Variants in LRBA observed in about 807,000 individuals in gnomAD.
LRBA encodes the protein LPS responsive beige-like anchor protein.
A neutral mutation model predicts 330.0 loss-of-function variants in LRBA; 176 were observed. The ratio of observed to expected loss-of-function variants is 0.53; its 90% CI spans 0.47 to 0.60. LRBA has a LOEUF of 0.60. Among genes scored for constraint, LRBA ranks in the 20% least tolerant of loss-of-function variants. LRBA has a pLI of 0.00. For missense variants in LRBA, 3,259 were observed against 3,444.8 expected, an observed-to-expected ratio of 0.95 and a Z score of 1.35; for synonymous variants, 1,230 against 1,193.0, an observed-to-expected ratio of 1.03 and a Z score of -0.64.
At chr4:150,982,094 C>T (rs1010545544) in intron 2 of LRBA, among the ~76,000 whole-genome samples, 2 of 151,812 alleles carry the variant, frequency 1.3e-5, no homozygotes, top group African/African-American at 4.8e-5. Flanking sequence ...AATGTACAGG[C>T]CAAAACACAT....
intron 47 of LRBA, among the ~76,000 whole-genome samples, chr4:150,361,844 C>T (rs963485939): frequency 6.7e-6 from 1 of 150,332 alleles, no homozygotes; most frequent in Non-Finnish European, 1.5e-5. Context: ...GATCTCAGCT[C>T]ACTGCAAGCT....
intron 51 of LRBA, chr4:150,315,345 A>G (rs1731581267): frequency 3.4e-6 from 2 of 591,780 alleles, no homozygotes; most frequent in Non-Finnish European, 6.0e-6. Context: ...TTTCAGTGAC[A>G]CGCGTCCTAG....
At chr4:150,455,537 T>G (rs982127467) in intron 44 of LRBA, among the ~76,000 whole-genome samples, 4 of 152,142 alleles carry the variant, frequency 2.6e-5, no homozygotes, top group African/African-American at 9.7e-5. Flanking sequence ...TTTTTAATTT[T>G]TATAGGTACA....
chr4:150,364,251 C>T (rs1315097440), intron 47 of LRBA, among the ~76,000 whole-genome samples: 1 of 152,200 alleles, frequency 6.6e-6, no homozygotes, highest in Admixed American at 6.5e-5. Context: ...CACACTATAA[C>T]AATACCAGCA....
chr4:150,746,700 C>CAGGG (rs1332625008), intron 35 of LRBA, among the ~76,000 whole-genome samples: 1 of 151,948 alleles, frequency 6.6e-6, no homozygotes, highest in Non-Finnish European at 1.5e-5. Flanking sequence ...TTAGTACAGA[C>CAGGG]AGGGTTTCAC....
chr4:150,621,686 C>T (rs1378823427), intron 37 of LRBA, among the ~76,000 whole-genome samples: 1 of 152,180 alleles, frequency 6.6e-6, no homozygotes, highest in African/African-American at 2.4e-5. Flanking sequence ...ATACTCCATA[C>T]ACTTGCCTGT....
At chr4:151,001,535 T>C (rs1743329445) in intron 2 of LRBA, among the ~76,000 whole-genome samples, 2 of 152,024 alleles carry the variant, frequency 1.3e-5, no homozygotes, top group African/African-American at 2.4e-5. Flanking sequence ...ATCCTGAGGA[T>C]AGGGCTACCC....
chr4:150,818,568 G>GTGTGTGTGCA (rs1333165382), intron 30 of LRBA, among the ~76,000 whole-genome samples: 2 of 150,402 alleles, frequency 1.3e-5, no homozygotes, highest in Non-Finnish European at 3.0e-5. Flanking sequence ...GTGTGTGCGT[G>GTGTGTGTGCA]CACGAATGTG....
intron 34 of LRBA, among the ~76,000 whole-genome samples, chr4:150,776,435 A>G (rs2126562511): frequency 6.6e-6 from 1 of 152,370 alleles, no homozygotes; most frequent in Non-Finnish European, 1.5e-5. Context: ...GAGGGGGAAA[A>G]GAGGCAGAGA....
At position 150,931,494 on chromosome 4, in the gene LRBA, T is replaced by A. The variant is rs1461100811; in HGVS notation, c.217-2429A>T. ...AAAGGTTAGTGGCTGGGCATGGTGG[T>A]TCACACCTATAATCCCAAAACTTTG... On this transcript the variant is annotated intron_variant, in intron 2 of 56. Transcript: ENST00000651943. Among the ~76,000 whole-genome samples, 7 of 151,304 alleles carry A rather than the reference T, an allele frequency of 4.6e-5. No individual in the cohort carries two copies. In the East Asian group the frequency reaches 1.4e-3, roughly 29 times the overall value.
chr4:150,599,199 CA>C, intron 37 of LRBA, 68 bp from the exon 38 acceptor site: 1 of 1,554,690 alleles, frequency 6.4e-7, no homozygotes, highest in Non-Finnish European at 8.8e-7. Flanking sequence ...TGAATTTCTG[CA>C]TAAAGCTCTC....
intron 2 of LRBA, among the ~76,000 whole-genome samples, chr4:151,004,197 C>A (rs1032416001): frequency 6.6e-6 from 1 of 152,088 alleles, no homozygotes; most frequent in African/African-American, 2.4e-5. Flanking sequence ...CCACCATGCC[C>A]GGCTAATTTT....
chr4:150,272,510 C>A (rs760438086), intron 56 of LRBA, among the ~76,000 whole-genome samples: 1 of 151,870 alleles, frequency 6.6e-6, no homozygotes, highest in Non-Finnish European at 1.5e-5. Context: ...GGGTAATAAA[C>A]TCCTCCGAGC....
At chr4:150,538,596 T>C (rs1006553852) in intron 40 of LRBA, among the ~76,000 whole-genome samples, 2 of 151,700 alleles carry the variant, frequency 1.3e-5, no homozygotes, top group African/African-American at 4.8e-5. Context: ...TGGGTACATA[T>C]GGACATACAG....
chr4:150,887,162 T>C (rs1303703770), intron 17 of LRBA, among the ~76,000 whole-genome samples: 1 of 152,078 alleles, frequency 6.6e-6, no homozygotes, highest in Non-Finnish European at 1.5e-5. Flanking sequence ...AATGAAAGCA[T>C]AAAAGTGAAC....
chr4:150,671,952 T>C (rs1782101074), intron 37 of LRBA, among the ~76,000 whole-genome samples: 1 of 152,214 alleles, frequency 6.6e-6, no homozygotes, highest in Non-Finnish European at 1.5e-5. Flanking sequence ...ATTAGCAGTG[T>C]GTAAAATGCA....
At position 150,868,424 on chromosome 4, in the gene LRBA, C is replaced by T. The variant is rs564215213; in HGVS notation, c.2450-119G>A. 29 of 532,782 alleles carry T rather than the reference C, an allele frequency of 5.4e-5. No individual in the cohort carries two copies. The East Asian group carries it at 6.9e-4, about 13-fold the overall frequency. The allele number at this position is 532,782 out of a possible 1,614,324, so 33.0% of individuals were successfully genotyped here. On this transcript the variant is annotated intron_variant, in intron 20 of 56. Transcript: ENST00000651943. ...AACACAAATGTCTACCAAAAACATCCTCTTCTGTTATTAAAAAAAATCACC... is the reference window on the plus strand; with the variant it reads ...AACACAAATGTCTACCAAAAACATCTTCTTCTGTTATTAAAAAAAATCACC...
intron 40 of LRBA, among the ~76,000 whole-genome samples, chr4:150,570,550 C>T (rs1201062492): frequency 6.6e-6 from 1 of 152,064 alleles, no homozygotes; most frequent in East Asian, 1.9e-4. Flanking sequence ...CACATGTCAT[C>T]TTCTCTTTGT....
chr4:150,393,403 C>T (rs1166682300), intron 47 of LRBA, among the ~76,000 whole-genome samples: 1 of 151,612 alleles, frequency 6.6e-6, no homozygotes, highest in Non-Finnish European at 1.5e-5. Context: ...TCCCCCCCAC[C>T]TCTACAATTC....
Sources: gnomAD v4.1 joint callset for allele counts (sites outside exome capture counted in the v4.1 genomes callset) on GRCh38, gnomAD v4.1.1 for gene constraint, MANE v1.5 for transcripts, NCBI Gene and HGNC (gene_info 2026-07-23, HGNC 2026-07-21) for gene names.